Variants in ZNF518A observed in about 807,000 individuals in gnomAD.
The protein encoded by ZNF518A is zinc finger protein 518.
ZNF518A carries 47 observed loss-of-function variants against 102.7 expected under a neutral mutation model. That is an observed-to-expected ratio of 0.46 (90% confidence interval 0.36 to 0.58). The LOEUF is 0.58. Among genes scored for constraint, ZNF518A ranks in the 20% least tolerant of loss-of-function variants. ZNF518A has a pLI of 0.00. For synonymous variants in ZNF518A, 652 were observed against 594.6 expected (o/e 1.10, Z -1.40); for missense variants, 1,793 against 1,699.8 (o/e 1.05, Z -0.96).
intron 1 of ZNF518A, chr10:96,189,498 G>C (rs1199733582): frequency 1.6e-6 from 1 of 637,146 alleles, no homozygotes; most frequent in Non-Finnish European, 2.9e-6. Context: ...TTGCATTTTT[G>C]ATTTAATGTC....
intron 1 of ZNF518A, among the ~76,000 whole-genome samples, chr10:96,132,163 T>G (rs1282839180): frequency 6.6e-6 from 1 of 151,786 alleles, no homozygotes; most frequent in Non-Finnish European, 1.5e-5. Flanking sequence ...TGGTCCCAGG[T>G]GTGTAGGCTG....
chr10:96,139,939 A>G (rs984364096), intron 3 of ZNF518A, among the ~76,000 whole-genome samples: 1 of 150,052 alleles, frequency 6.7e-6, no homozygotes, highest in Non-Finnish European at 1.5e-5. Flanking sequence ...GCTGACTGCA[A>G]CCTCCACCTC....
In ZNF518A at chr10:96,160,260, G is replaced by T; in HGVS notation, c.3938G>T (p.Gly1313Val). 1 of 1,613,458 alleles carries T rather than the reference G, an allele frequency of 6.2e-7. No homozygotes were observed. The highest frequency in any genetic ancestry group is 2.2e-5 in the East Asian group (1 of 44,868). The change falls in exon 6 of 6, where the codon GGA becomes GTA. Residue 1313 changes from glycine (G) to valine (V), a missense_variant. Transcript: ENST00000316045. ...CCTGAAGATGTCCGTGAAACATTTG[G>T]ATTTAGCAGACCTAGGCTTTCAAAA... The part of the protein sequence containing the change: ...AKPEDVRETF[G>V]FSRPRLSKDS...
Position 96,157,071 on chromosome 10 carries a change from A to G in ZNF518A, c.749A>G (p.Gln250Arg), listed in dbSNP as rs1554882981. 2 of 1,613,582 alleles carry G rather than the reference A, an allele frequency of 1.2e-6. No homozygotes were observed. The highest frequency in any genetic ancestry group is 3.3e-5 in the Admixed American group (2 of 59,984). ...GTATGTTTTACCAAAGGAGAGCTTCAGAAGCACCTTCATATTCATTCTGGT... is the reference window on the plus strand; with the variant it reads ...GTATGTTTTACCAAAGGAGAGCTTCGGAAGCACCTTCATATTCATTCTGGT... ...HHVCFTKGEL[Q>R]KHLHIHSGTF... is the part of the protein sequence containing the mutation. Residue 250 changes from glutamine to arginine, a missense_variant, in exon 6 of 6, where the codon CAG becomes CGG. Transcript: ENST00000316045.
intron 3 of ZNF518A, among the ~76,000 whole-genome samples, chr10:96,151,175 A>C (rs944572942): frequency 6.6e-6 from 1 of 152,026 alleles, no homozygotes; most frequent in South Asian, 2.1e-4. Flanking sequence ...CTGCCTACTT[A>C]TCTTTTTTGT....
chr10:96,132,482 T>TG (rs2081389895), intron 1 of ZNF518A, 104 bp from the exon 2 acceptor site: 1 of 151,344 alleles, frequency 6.6e-6, no homozygotes, highest in Non-Finnish European at 1.5e-5. Context: ...TTCTTAGTTT[T>TG]TTTTTTTTTT....
chr10:96,171,324 ATATC>A (rs2083172220), intron 1 of ZNF518A, among the ~76,000 whole-genome samples: 1 of 152,218 alleles, frequency 6.6e-6, no homozygotes, highest in African/African-American at 2.4e-5. Flanking sequence ...ATAAATGTGT[ATATC>A]TATACAATTG....
At chr10:96,147,180 A>C (rs1231506663) in intron 3 of ZNF518A, among the ~76,000 whole-genome samples, 1 of 152,232 alleles carries the variant, frequency 6.6e-6, no homozygotes, top group African/African-American at 2.4e-5. Context: ...AGTTTATGTC[A>C]ATACAAGCCA....
At chr10:96,156,163 G>T in intron 5 of ZNF518A, 34 bp from the exon 6 acceptor site, 1 of 559,252 alleles carries the variant, frequency 1.8e-6, no homozygotes, top group Non-Finnish European at 2.8e-6. Context: ...TATTATTTTT[G>T]TGATGAGAAT....
chr10:96,152,813 A>T (rs587745839), intron 3 of ZNF518A, among the ~76,000 whole-genome samples: 1 of 152,386 alleles, frequency 6.6e-6, no homozygotes, highest in South Asian at 2.1e-4. Flanking sequence ...GCAAAATTAC[A>T]GTATTAAAAT....
downstream of ZNF518A, among the ~76,000 whole-genome samples, chr10:96,166,395 T>C (rs2083140525): frequency 6.6e-6 from 1 of 152,194 alleles, no homozygotes; most frequent in Admixed American, 6.5e-5. Context: ...CAGAGTATTG[T>C]AGAAAACAGT....
At chr10:96,193,669 G>A (rs1327753564) in intron 1 of ZNF518A, among the ~76,000 whole-genome samples, 1 of 152,158 alleles carries the variant, frequency 6.6e-6, no homozygotes, top group East Asian at 1.9e-4. Flanking sequence ...TACATTCAGT[G>A]TATTTGTGGA....
intron 1 of ZNF518A, among the ~76,000 whole-genome samples, chr10:96,195,906 A>G (rs192093292): frequency 1.1e-4 from 16 of 152,346 alleles, no homozygotes; most frequent in African/African-American, 3.6e-4. Context: ...AACCAAATCA[A>G]TTCAGTTGCT....
In ZNF518A at chr10:96,160,971, T is replaced by G; in HGVS notation, c.*197T>G. 1 of 543,756 alleles carries G rather than the reference T, an allele frequency of 1.8e-6. No individual in the cohort carries two copies. Among genetic ancestry groups the G allele is most frequent in the Non-Finnish European group, 3.0e-6 (1 of 334,158 alleles). 33.7% of individuals were successfully genotyped at this position (543,756 alleles called of 1,614,324 possible). On this transcript the variant is annotated 3_prime_UTR_variant, in exon 6 of 6. Transcript: ENST00000316045. Reference sequence around the variant, plus strand: ...AATGCTATCCCTGCACTCAAAAGTTTTGAAAGAAACTAATCACAGCACAGA... The same window carrying G: ...AATGCTATCCCTGCACTCAAAAGTTGTGAAAGAAACTAATCACAGCACAGA...
At position 96,158,842 on chromosome 10, in the gene ZNF518A, AG is replaced by A; in HGVS notation, c.2521del (p.Val841PhefsTer15). 1 of 1,613,842 alleles carries A rather than the reference AG, an allele frequency of 6.2e-7. No homozygotes were observed. Among genetic ancestry groups the A allele is most frequent in the Non-Finnish European group, 8.5e-7 (1 of 1,179,760 alleles). The part of the protein sequence containing the change: ...KDFKVQGIFP[V>X]PPGSVGINVP... Reference sequence around the variant, plus strand: ...ATTTCAAAGTGCAAGGCATCTTCCCAGTTCCACCTGGCAGTGTGGGTATTAA... The same window carrying A: ...ATTTCAAAGTGCAAGGCATCTTCCCATTCCACCTGGCAGTGTGGGTATTAA... On this transcript the variant is annotated frameshift_variant, in exon 6 of 6. Coordinates refer to ENST00000316045, the MANE Select transcript of ZNF518A (RefSeq NM_001330736.2). LOFTEE classifies it high-confidence loss of function.
chr10:96,141,894 C>T (rs1233588082), intron 3 of ZNF518A, among the ~76,000 whole-genome samples: 2 of 152,014 alleles, frequency 1.3e-5, no homozygotes, highest in African/African-American at 4.8e-5. Context: ...CACATGCCAC[C>T]ACACTTGCCT....
intron 3 of ZNF518A, among the ~76,000 whole-genome samples, chr10:96,154,716 ACCCT>A (rs1480756082): frequency 2.6e-5 from 4 of 152,082 alleles, no homozygotes; most frequent in Non-Finnish European, 5.9e-5. Flanking sequence ...GGCCCTAAAA[ACCCT>A]TCATGAGGCC....
intron 1 of ZNF518A, among the ~76,000 whole-genome samples, chr10:96,184,165 T>C (rs1554892307): frequency 6.6e-6 from 1 of 152,230 alleles, no homozygotes; most frequent in Non-Finnish European, 1.5e-5. Flanking sequence ...TAGGTCTTCC[T>C]CCATCCCTTT....
intron 3 of ZNF518A, among the ~76,000 whole-genome samples, chr10:96,140,824 C>T (rs1554876243): frequency 6.6e-6 from 1 of 151,794 alleles, no homozygotes. Flanking sequence ...ACCTATAGTC[C>T]CAGCTACTTG....
Sources: gnomAD v4.1 joint callset for allele counts (sites outside exome capture counted in the v4.1 genomes callset) on GRCh38, gnomAD v4.1.1 for gene constraint, MANE v1.5 for transcripts, NCBI Gene and HGNC (gene_info 2026-07-23, HGNC 2026-07-21) for gene names.